The following ADAM9 variants were observed in gnomAD, a reference collection of about 807,000 sequenced individuals.
The protein encoded by ADAM9 is disintegrin and metalloproteinase domain-containing protein 9.
In ADAM9, 54 loss-of-function variants were observed where a neutral mutation model predicts 108.1. The ratio of observed to expected loss-of-function variants is 0.50; its 90% CI spans 0.40 to 0.63. ADAM9 has a LOEUF of 0.63. Among genes scored for constraint, ADAM9 ranks in the 20% least tolerant of loss-of-function variants. ADAM9 has a pLI of 0.00. For synonymous variants in ADAM9, 316 were observed against 336.0 expected, an observed-to-expected ratio of 0.94 and a Z score of 0.65; for missense variants, 830 against 997.7, an observed-to-expected ratio of 0.83 and a Z score of 2.26.
intron 2 of ADAM9, among the ~76,000 whole-genome samples, chr8:39,008,789 CT>C (rs1473460999): frequency 1.3e-5 from 2 of 152,062 alleles, no homozygotes; most frequent in Admixed American, 6.5e-5. Context: ...TGGAAGAAAC[CT>C]ACTGTGCTGT....
intron 1 of ADAM9, among the ~76,000 whole-genome samples, chr8:39,000,578 A>G (rs1335080118): frequency 1.3e-5 from 2 of 151,662 alleles, no homozygotes; most frequent in South Asian, 2.1e-4. Context: ...CCTCCTGCCT[A>G]AGCCTCCTGA....
chr8:39,011,914 C>T (rs1446341960), intron 3 of ADAM9, among the ~76,000 whole-genome samples, 198 bp downstream of exon 3: 1 of 152,152 alleles, frequency 6.6e-6, no homozygotes, highest in East Asian at 1.9e-4. Flanking sequence ...AGACTGGAAC[C>T]AAGTACCTCC....
At chr8:39,088,307 C>T (rs956121123) in intron 18 of ADAM9, among the ~76,000 whole-genome samples, 10 of 151,858 alleles carry the variant, frequency 6.6e-5, no homozygotes, top group Non-Finnish European at 1.3e-4. Context: ...GCTCTGTTGC[C>T]CACGCTGGAG....
chr8:39,030,569 G>C (rs748134194), intron 11 of ADAM9, among the ~76,000 whole-genome samples: 6 of 152,172 alleles, frequency 3.9e-5, no homozygotes, highest in Non-Finnish European at 7.3e-5. Flanking sequence ...CCGTGTGCAG[G>C]GTTTTGTGTG....
chr8:39,027,886 C>T (rs866077120), intron 11 of ADAM9, among the ~76,000 whole-genome samples: 10 of 151,584 alleles, frequency 6.6e-5, no homozygotes, highest in Non-Finnish European at 1.3e-4. Context: ...CTGGGCAACA[C>T]GGTGAGACCC....
intron 15 of ADAM9, among the ~76,000 whole-genome samples, chr8:39,074,015 GTGT>G (rs1283562714): frequency 2.0e-5 from 3 of 152,104 alleles, no homozygotes; most frequent in Non-Finnish European, 2.9e-5. Flanking sequence ...CTGTTTCCAA[GTGT>G]TGTTTTGAAC....
chr8:39,104,954 A>G lies in ADAM9; in HGVS notation c.*1254A>G. 1 of 427,958 alleles carries G rather than the reference A, an allele frequency of 2.3e-6. No homozygotes were observed. The highest frequency in any genetic ancestry group is 4.5e-6 in the Non-Finnish European group (1 of 219,906). 26.5% of individuals were successfully genotyped at this position (427,958 alleles called of 1,614,324 possible). On this transcript the variant is annotated 3_prime_UTR_variant, in exon 22 of 22. Transcript: ENST00000487273. Reference sequence around the variant, plus strand: ...AAGTGTTTTTGGTTTGTGTATATATACATATACAAATACAACATTTACAAT... The same window carrying G: ...AAGTGTTTTTGGTTTGTGTATATATGCATATACAAATACAACATTTACAAT...
At chr8:39,074,303 A>T (rs554826560) in intron 15 of ADAM9, among the ~76,000 whole-genome samples, 45 of 152,254 alleles carry the variant, frequency 3.0e-4, no homozygotes, top group Admixed American at 5.9e-4. Context: ...GTTTCCTTTC[A>T]CTAAAAGGGT....
Position 39,104,320 on chromosome 8 carries a change from G to T in ADAM9, c.*620G>T, listed in dbSNP as rs1016464348. 6 of 452,502 alleles carry T rather than the reference G, an allele frequency of 1.3e-5. No individual in the cohort carries two copies. The highest frequency in any genetic ancestry group is 1.2e-4 in the Admixed American group (5 of 42,522). 28.0% of individuals were successfully genotyped at this position (452,502 alleles called of 1,614,324 possible). ...TACAAAATATACTAAAAGAGTGTGT[G>T]TGTATTCACGCAGTTACTCGCTTCC... is the stretch of plus-strand genomic sequence containing the variant. On this transcript the variant is annotated 3_prime_UTR_variant, in exon 22 of 22. Transcript: ENST00000487273.
intron 12 of ADAM9, 102 bp downstream of exon 12, chr8:39,042,219 AT>A: frequency 1.6e-6 from 2 of 1,262,328 alleles, no homozygotes; most frequent in South Asian, 1.2e-5. Flanking sequence ...CTAAAGTAAA[AT>A]TTAGTGGCAC....
chr8:39,091,376 T>G (rs1839349851), intron 20 of ADAM9, 30 bp downstream of exon 20: 1 of 1,577,976 alleles, frequency 6.3e-7, no homozygotes, highest in Non-Finnish European at 8.7e-7. Flanking sequence ...TTATTTTTCT[T>G]TACTGTATTA....
Position 39,044,913 on chromosome 8 carries a change from T to G in ADAM9, c.1302+2796T>G, listed in dbSNP as rs117911347. On this transcript the variant is annotated intron_variant, in intron 12 of 21. Coordinates refer to ENST00000487273, the MANE Select transcript of ADAM9 (RefSeq NM_003816.3). ...ATATATGTGTGTGCACACATACATA[T>G]GTATGTATATATGTGTGTGCACACA... Among the ~76,000 whole-genome samples, 574 of 113,536 alleles carry G rather than the reference T, an allele frequency of 5.1e-3. 10 individuals are homozygous for G. The highest frequency in any genetic ancestry group is 0.041 in the Middle Eastern group (9 of 220). The allele number at this position is 113,536 out of a possible 152,430, so 74.5% of individuals were successfully genotyped here.
At chr8:39,049,720 T>C (rs904257727) in intron 12 of ADAM9, among the ~76,000 whole-genome samples, 4 of 152,326 alleles carry the variant, frequency 2.6e-5, no homozygotes, top group African/African-American at 9.6e-5. Flanking sequence ...ATTACAGGCG[T>C]GAGCCACTGC....
At chr8:39,085,137 C>T (rs1418390329) in intron 18 of ADAM9, among the ~76,000 whole-genome samples, 3 of 152,074 alleles carry the variant, frequency 2.0e-5, no homozygotes, top group African/African-American at 7.2e-5. Context: ...CATTCTCTGT[C>T]TTTCAATTAA....
At chr8:39,017,474 T>G in intron 6 of ADAM9, 60 bp downstream of exon 6, 1 of 1,527,418 alleles carries the variant, frequency 6.5e-7, no homozygotes, top group Non-Finnish European at 9.0e-7. Context: ...ATCATGTATT[T>G]ATTCATGAAA....
chr8:39,086,504 G>T (rs1839184972), intron 18 of ADAM9, among the ~76,000 whole-genome samples: 1 of 151,970 alleles, frequency 6.6e-6, no homozygotes, highest in Non-Finnish European at 1.5e-5. Context: ...TATCTTTCAT[G>T]ACTCTACATA....
At chr8:39,078,695 C>A (rs1425019409) in intron 16 of ADAM9, among the ~76,000 whole-genome samples, 1 of 152,062 alleles carries the variant, frequency 6.6e-6, no homozygotes, top group East Asian at 1.9e-4. Flanking sequence ...ACAGGAGAAT[C>A]GCTTGAACCT....
At chr8:39,074,200 T>A (rs538759328) in intron 15 of ADAM9, among the ~76,000 whole-genome samples, 16 of 152,288 alleles carry the variant, frequency 1.1e-4, no homozygotes, top group African/African-American at 3.8e-4. Context: ...AAAGAAAGGA[T>A]TCACATATGG....
chr8:39,077,356 C>T lies in ADAM9; in HGVS notation c.1826C>T (p.Ser609Leu). 2 of 1,613,880 alleles carry T rather than the reference C, an allele frequency of 1.2e-6. No individual in the cohort carries two copies. The highest frequency in any genetic ancestry group is 1.7e-6 in the Non-Finnish European group (2 of 1,179,900). The part of the protein sequence containing the change: ...KCWGVDFQLG[S>L]DVPDPGMVNE... Reference sequence around the variant, plus strand: ...TGGGGTGTGGATTTCCAGCTAGGATCAGATGTTCCAGATCCTGGGATGGTT... The same window carrying T: ...TGGGGTGTGGATTTCCAGCTAGGATTAGATGTTCCAGATCCTGGGATGGTT... Residue 609 changes from serine (S) to leucine (L), a missense_variant, in exon 16 of 22, where the codon TCA becomes TTA. Ser to Leu is a moderately radical substitution (Grantham distance 145, BLOSUM62 -2). Coordinates refer to ENST00000487273, the MANE Select transcript of ADAM9 (RefSeq NM_003816.3).
Sources: gnomAD v4.1 joint callset for allele counts (sites outside exome capture counted in the v4.1 genomes callset) on GRCh38, gnomAD v4.1.1 for gene constraint, MANE v1.5 for transcripts, NCBI Gene and HGNC (gene_info 2026-07-23, HGNC 2026-07-21) for gene names.